The following GCH1 variants were observed in gnomAD, a reference collection of about 807,000 sequenced individuals.
GCH1 encodes the protein GTP cyclohydrolase I.
Under a neutral mutation model 25.9 loss-of-function variants are expected in GCH1, and 5 were observed. The ratio of observed to expected loss-of-function variants is 0.19; its 90% CI spans 0.10 to 0.41. GCH1 has a LOEUF of 0.41. Among genes scored for constraint, GCH1 ranks in the 10% least tolerant of loss-of-function variants. The pLI is 1.00. For missense variants in GCH1, 261 were observed against 336.5 expected, an observed-to-expected ratio of 0.78 and a Z score of 1.75; for synonymous variants, 159 against 129.6, an observed-to-expected ratio of 1.23 and a Z score of -1.54.
rs1013815024 is a variant in GCH1, at chr14:54,891,049, T to C, written c.343+11272A>G. On this transcript the variant is annotated intron_variant, in intron 1 of 5. Coordinates refer to ENST00000491895, the MANE Select transcript of GCH1 (RefSeq NM_000161.3). ...AGTTTCAGTTACCCTTGGTCAAACA[T>C]GGTCTGAAAATACTAAATGAAAAAC... Among the ~76,000 whole-genome samples the C allele has an allele frequency of 3.3e-5, 5 of 152,200 alleles. No homozygotes were observed. The East Asian group carries it at 7.7e-4, about 23-fold the overall frequency.
intron 1 of GCH1, among the ~76,000 whole-genome samples, chr14:54,871,301 G>A (rs538214635): frequency 5.9e-5 from 9 of 152,178 alleles, no homozygotes; most frequent in Non-Finnish European, 1.3e-4. Context: ...ACTGTTAGAA[G>A]GAAAACTAAC....
At chr14:54,866,679 A>C (rs1186653785) in intron 1 of GCH1, among the ~76,000 whole-genome samples, 1 of 152,180 alleles carries the variant, frequency 6.6e-6, no homozygotes, top group Non-Finnish European at 1.5e-5. Flanking sequence ...ATGTCCACCC[A>C]CACTGCCTGA....
chr14:54,876,346 G>T (rs1005883586), intron 1 of GCH1, among the ~76,000 whole-genome samples: 2 of 152,096 alleles, frequency 1.3e-5, no homozygotes, highest in African/African-American at 4.8e-5. Context: ...CTGTTGTGGG[G>T]TGCGGGGAGA....
At chr14:54,859,805 A>C (rs2039867579) in intron 2 of GCH1, 69 bp from the exon 3 acceptor site, 6 of 835,202 alleles carry the variant, frequency 7.2e-6, no homozygotes, top group Non-Finnish European at 1.3e-5. Flanking sequence ...AAAATAAGGA[A>C]ATATAGAAAG....
chr14:54,866,537 A>T (rs2039992056), intron 1 of GCH1, among the ~76,000 whole-genome samples: 1 of 151,776 alleles, frequency 6.6e-6, no homozygotes, highest in Admixed American at 6.6e-5. Context: ...AGTAATTTCA[A>T]GGATTTGGGG....
chr14:54,843,627 G>GA lies in GCH1; in HGVS notation c.*389dup, dbSNP rs200227005. 2.0e-4 allele frequency: 303 copies of GA among 1,486,204 alleles called. No homozygotes were observed. In the African/African-American group the frequency reaches 2.9e-3, roughly 14 times the overall value. 92.1% of individuals were successfully genotyped at this position (1,486,204 alleles called of 1,614,324 possible). ...CACTACACCACTTTTATTGGAGGAA[G>GA]AAAAAAAACAGTATACTGGGCACAG... On this transcript the variant is annotated 3_prime_UTR_variant, in exon 6 of 6. Transcript: ENST00000491895.
At chr14:54,879,067 T>G (rs942203356) in intron 1 of GCH1, among the ~76,000 whole-genome samples, 29 of 152,236 alleles carry the variant, frequency 1.9e-4, no homozygotes, top group African/African-American at 6.5e-4. Flanking sequence ...ACCAATTCAC[T>G]TCCTTAAAAT....
intron 4 of GCH1, among the ~76,000 whole-genome samples, chr14:54,846,865 A>G (rs1253238547): frequency 6.6e-6 from 1 of 152,172 alleles, no homozygotes; most frequent in Non-Finnish European, 1.5e-5. Context: ...GTTCGAGACC[A>G]GCCTGATCAA....
chr14:54,878,560 G>A (rs1011691443), intron 1 of GCH1, among the ~76,000 whole-genome samples: 8 of 152,108 alleles, frequency 5.3e-5, no homozygotes, highest in African/African-American at 9.7e-5. Flanking sequence ...AGCATACAGC[G>A]CTTATCTCAT....
At position 54,878,720 on chromosome 14, in the gene GCH1, C is replaced by A. The variant is rs1261268151; in HGVS notation, c.344-13284G>T. Among the ~76,000 whole-genome samples, 4 of 152,116 alleles carry A rather than the reference C, an allele frequency of 2.6e-5. No homozygotes were observed. In the East Asian group the frequency reaches 7.7e-4, roughly 29 times the overall value. On this transcript the variant is annotated intron_variant, in intron 1 of 5. Coordinates refer to ENST00000491895, the MANE Select transcript of GCH1 (RefSeq NM_000161.3). ...CACAAAGCTGGAGTTAAACATAGAT[C>A]TTCTGTGTTTATTCAATTAATATGT...
chr14:54,886,777 C>CTTGGGCTGAACTCA (rs1338676655), intron 1 of GCH1, among the ~76,000 whole-genome samples: 2 of 152,126 alleles, frequency 1.3e-5, no homozygotes, highest in African/African-American at 4.8e-5. Context: ...GAGCCTTAAT[C>CTTGGGCTGAACTCA]TTGGGCTGAA....
Position 54,862,980 on chromosome 14 carries a change from A to G in GCH1, c.453+2347T>C, listed in dbSNP as rs76134883. Reference sequence around the variant, plus strand: ...ATAACCAAATGCAATGTAAATACAAATGTGTGACTCTCCCTTGGATTCCTG... The same window carrying G: ...ATAACCAAATGCAATGTAAATACAAGTGTGTGACTCTCCCTTGGATTCCTG... On this transcript the variant is annotated intron_variant, in intron 2 of 5. Transcript: ENST00000491895. Among the ~76,000 whole-genome samples the G allele has an allele frequency of 1.6e-3, 243 of 152,262 alleles. 2 individuals are homozygous for G. In the East Asian group the frequency reaches 0.02, roughly 13 times the overall value.
At chr14:54,876,422 AC>A (rs2040161638) in intron 1 of GCH1, among the ~76,000 whole-genome samples, 2 of 152,232 alleles carry the variant, frequency 1.3e-5, no homozygotes, top group Non-Finnish European at 1.5e-5. Context: ...CAGCACACCA[AC>A]ATGGCACATG....
At chr14:54,890,797 C>T (rs2040413122) in intron 1 of GCH1, among the ~76,000 whole-genome samples, 1 of 152,124 alleles carries the variant, frequency 6.6e-6, no homozygotes, top group Admixed American at 6.6e-5. Context: ...CTGCAAAAAA[C>T]AAACAACCCA....
Position 54,902,204 on chromosome 14 carries a change from C to A in GCH1, c.343+117G>T, listed in dbSNP as rs113333504. The A allele has an allele frequency of 5.7e-4, 669 of 1,167,420 alleles. 2 individuals are homozygous for A. In the African/African-American group the frequency reaches 7.1e-3, roughly 12 times the overall value. 72.3% of individuals were successfully genotyped at this position (1,167,420 alleles called of 1,614,324 possible). ...TAGGGCGGGTTCGGAGGTGACAGCG[C>A]CCGGCTTCCTGCGCCAAAAGTGAGG... On this transcript the variant is annotated intron_variant, in intron 1 of 5. Transcript: ENST00000491895.
chr14:54,858,079 T>G (rs1303421813), intron 3 of GCH1, among the ~76,000 whole-genome samples: 1 of 152,056 alleles, frequency 6.6e-6, no homozygotes, highest in Non-Finnish European at 1.5e-5. Flanking sequence ...AAAGTGGAAG[T>G]GAAAACAAAG....
chr14:54,899,144 T>C (rs2040526581), intron 1 of GCH1, among the ~76,000 whole-genome samples: 1 of 152,140 alleles, frequency 6.6e-6, no homozygotes, highest in African/African-American at 2.4e-5. Context: ...AATGCATGAT[T>C]ATATTCAATT....
Position 54,845,911 on chromosome 14 carries a change from T to A in GCH1, c.542-59A>T, listed in dbSNP as rs139172303. ...CTGACACAAACAGCTGGAAGCTTTT[T>A]CTGTCTCTAGAACATTTGAAATCTT... On this transcript the variant is annotated intron_variant, in intron 4 of 5. Coordinates refer to ENST00000491895, the MANE Select transcript of GCH1 (RefSeq NM_000161.3). 5 of 912,346 alleles carry A rather than the reference T, an allele frequency of 5.5e-6. No individual in the cohort carries two copies. The East Asian group carries it at 1.2e-4, about 22-fold the overall frequency. The allele number at this position is 912,346 out of a possible 1,614,324, so 56.5% of individuals were successfully genotyped here. A position where few individuals can be genotyped will look rare whatever the true frequency, so the allele number is the denominator to read the frequency against.
chr14:54,860,977 A>T (rs1336975464), intron 2 of GCH1, among the ~76,000 whole-genome samples: 2 of 152,228 alleles, frequency 1.3e-5, no homozygotes, highest in African/African-American at 4.8e-5. Context: ...ATTAATATCA[A>T]ATATAAAAGT....
Sources: allele counts gnomAD v4.1 joint callset (sites outside exome capture counted in the v4.1 genomes callset), GRCh38; gene constraint gnomAD v4.1.1; transcripts MANE v1.5; gene names NCBI Gene and HGNC (gene_info 2026-07-23, HGNC 2026-07-21).